Variants in YPEL1 observed in about 807,000 individuals in gnomAD.
YPEL1 encodes the protein protein yippee-like 1.
A neutral mutation model predicts 17.3 loss-of-function variants in YPEL1; 7 were observed. The ratio of observed to expected loss-of-function variants is 0.40; its 90% confidence interval spans 0.23 to 0.76. The LOEUF (loss-of-function observed/expected upper bound fraction) is 0.76, where lower values mean the gene tolerates loss of function less well. Ranked by LOEUF, YPEL1 falls within the 30% of genes least tolerant of loss-of-function variation. The pLI is 0.35. For missense variants in YPEL1, 91 were observed against 155.5 expected (o/e 0.59, Z 2.21); for synonymous variants, 59 against 59.6 (o/e 0.99, Z 0.05).
At chr22:21,707,345 A>C (rs1461451709) in intron 2 of YPEL1, among the ~76,000 whole-genome samples, 1 of 152,138 alleles carries the variant, frequency 6.6e-6, no homozygotes, top group African/African-American at 2.4e-5. Context: ...TGAACCCGGG[A>C]GACAGAGGTT....
intron 4 of YPEL1, 87 bp from the exon 5 acceptor site, chr22:21,701,305 T>C (rs2068063783): frequency 3.1e-6 from 3 of 979,332 alleles, no homozygotes; most frequent in Non-Finnish European, 4.7e-6. Context: ...CCCCCAAGTC[T>C]ATACTATGAA....
intron 1 of YPEL1, among the ~76,000 whole-genome samples, chr22:21,731,283 G>A (rs967042754): frequency 1.2e-4 from 18 of 151,700 alleles, no homozygotes; most frequent in Non-Finnish European, 2.6e-4. Context: ...GGAGGCTGAG[G>A]TGATCGCCAC....
chr22:21,700,813 C>A lies in YPEL1; in HGVS notation c.*316G>T. On this transcript the variant is annotated 3_prime_UTR_variant, in exon 5 of 5. Coordinates refer to ENST00000339468, the MANE Select transcript of YPEL1 (RefSeq NM_013313.5). ...CAACTGAACCTTAAAAAAGCAGAGC[C>A]CAACTATATTGAAGACAAAGGTGAA... 1 of 210,840 alleles carries A rather than the reference C, an allele frequency of 4.7e-6. No homozygotes were observed. The highest frequency in any genetic ancestry group is 1.2e-4 in the South Asian group (1 of 8,592). The allele number at this position is 210,840 out of a possible 1,614,324, so 13.1% of individuals were successfully genotyped here. A position where few individuals can be genotyped will look rare whatever the true frequency, so the allele number is the denominator to read the frequency against.
intron 1 of YPEL1, among the ~76,000 whole-genome samples, chr22:21,727,705 G>A (rs2068348444): frequency 6.6e-6 from 1 of 152,332 alleles, no homozygotes; most frequent in South Asian, 2.1e-4. Flanking sequence ...GACACTTCAT[G>A]GGATGGAGTG....
intron 1 of YPEL1, among the ~76,000 whole-genome samples, chr22:21,731,856 A>G (rs2068390405): frequency 1.3e-5 from 2 of 152,184 alleles, no homozygotes; most frequent in African/African-American, 4.8e-5. Context: ...TCAGAGTCAC[A>G]TGAGATGTTA....
At chr22:21,720,127 G>T (rs1489243220) in intron 1 of YPEL1, among the ~76,000 whole-genome samples, 1 of 134,402 alleles carries the variant, frequency 7.4e-6, no homozygotes, top group Non-Finnish European at 1.5e-5. Flanking sequence ...GCAGTGAACT[G>T]ACATAGCACC....
intron 1 of YPEL1, among the ~76,000 whole-genome samples, chr22:21,728,536 C>A (rs776387095): frequency 6.6e-6 from 1 of 152,094 alleles, no homozygotes; most frequent in Non-Finnish European, 1.5e-5. Context: ...ATGGGGAAAC[C>A]GAAGTCCAAA....
rs776656193 is a variant in YPEL1 at position 21,698,168 on chromosome 22, G to C, written c.*2961C>G. On this transcript the variant is annotated 3_prime_UTR_variant, in exon 5 of 5. Coordinates refer to ENST00000339468, the MANE Select transcript of YPEL1 (RefSeq NM_013313.5). ...GTGAATAGCACTTCCCCTGAAGCCA[G>C]CTCATGGTCTGTTCATTTGGTTTAA... 1 of 150,952 alleles carries C rather than the reference G, an allele frequency of 6.6e-6. No individual in the cohort carries two copies. Among genetic ancestry groups the C allele is most frequent in the Non-Finnish European group, 1.5e-5 (1 of 67,948 alleles). 9.4% of individuals were successfully genotyped at this position (150,952 alleles called of 1,614,324 possible).
At chr22:21,723,228 T>C (rs1001405031) in intron 1 of YPEL1, 1 of 152,168 alleles carries the variant, frequency 6.6e-6, no homozygotes, top group African/African-American at 2.4e-5. Flanking sequence ...AGAGTCTCAC[T>C]CTGTCATCCA....
At chr22:21,724,123 C>G (rs2068310108) in intron 1 of YPEL1, among the ~76,000 whole-genome samples, 2 of 152,232 alleles carry the variant, frequency 1.3e-5, no homozygotes, top group South Asian at 4.1e-4. Context: ...AGTCCCACTC[C>G]AGGGACAGCA....
intron 1 of YPEL1, among the ~76,000 whole-genome samples, chr22:21,723,869 G>T (rs2068307452): frequency 6.6e-6 from 1 of 151,782 alleles, no homozygotes; most frequent in South Asian, 2.1e-4. Flanking sequence ...GTTTCACCAT[G>T]TTGGCCAGGC....
intron 1 of YPEL1, among the ~76,000 whole-genome samples, chr22:21,726,408 C>T (rs1310732423): frequency 1.3e-5 from 2 of 152,206 alleles, no homozygotes; most frequent in Non-Finnish European, 2.9e-5. Context: ...TCACAACATC[C>T]TGAGAAATAG....
At chr22:21,712,241 G>A (rs944189603) in intron 1 of YPEL1, among the ~76,000 whole-genome samples, 1 of 151,782 alleles carries the variant, frequency 6.6e-6, no homozygotes, top group Non-Finnish European at 1.5e-5. Context: ...CAGAGAATGA[G>A]GGAAAATATT....
In YPEL1 at chr22:21,703,320, A is replaced by G. The variant is rs370070777; in HGVS notation, c.270+50T>C. 4 of 1,538,330 alleles carry G rather than the reference A, an allele frequency of 2.6e-6. No individual in the cohort carries two copies. The African/African-American group carries it at 5.4e-5, about 21-fold the overall frequency. ...CACGGGGAGGTGTGGCTCAGTGGCA[A>G]CTTAGTGCCACATCCCCTTGTGGCA... On this transcript the variant is annotated intron_variant, in intron 4 of 4. Coordinates refer to ENST00000339468, the MANE Select transcript of YPEL1 (RefSeq NM_013313.5). This position sits in a 1 kb window ranked among gnomAD's most constrained non-coding sequence, Gnocchi z 6.1.
In YPEL1 at chr22:21,703,725, G is replaced by T. The variant is rs1323124538; in HGVS notation, c.161+114C>A. ...GAAACTCCCGGCGGGGGGATGGTGG[G>T]TTCTTTCAGGACCCCTAAAGACCCA... On this transcript the variant is annotated intron_variant, in intron 3 of 4. Coordinates refer to ENST00000339468, the MANE Select transcript of YPEL1 (RefSeq NM_013313.5). The surrounding 1 kb of genome is among the most constrained non-coding windows in gnomAD (Gnocchi z 6.1). 4.9e-6 allele frequency: 6 copies of T among 1,218,526 alleles called. No homozygotes were observed. Among genetic ancestry groups the T allele is most frequent in the Non-Finnish European group, 6.9e-6 (6 of 871,338 alleles). 75.5% of individuals were successfully genotyped at this position (1,218,526 alleles called of 1,614,324 possible).
intron 1 of YPEL1, among the ~76,000 whole-genome samples, chr22:21,727,818 G>A (rs368979380): frequency 9.2e-5 from 14 of 152,116 alleles, no homozygotes; most frequent in African/African-American, 2.2e-4. Flanking sequence ...CAATCCCCAG[G>A]CTGCTCCACC....
At chr22:21,718,970 T>C (rs1334484078) in intron 1 of YPEL1, among the ~76,000 whole-genome samples, 1 of 152,242 alleles carries the variant, frequency 6.6e-6, no homozygotes, top group Non-Finnish European at 1.5e-5. Flanking sequence ...AAATTTTCTC[T>C]TGGGTTTCTT....
chr22:21,713,971 A>G (rs1020797632), intron 1 of YPEL1, among the ~76,000 whole-genome samples: 7 of 152,068 alleles, frequency 4.6e-5, no homozygotes, highest in African/African-American at 1.7e-4. Context: ...CAAATTCGAG[A>G]GCACGGGGCT....
chr22:21,714,943 T>A (rs926571398), intron 1 of YPEL1, among the ~76,000 whole-genome samples: 1 of 152,130 alleles, frequency 6.6e-6, no homozygotes, highest in Admixed American at 6.6e-5. Flanking sequence ...TAGGAGTAAG[T>A]GATATATTCT....
Sources: gnomAD v4.1 joint callset for allele counts (sites outside exome capture counted in the v4.1 genomes callset) on GRCh38, gnomAD v4.1.1 for gene constraint, Gnocchi (gnomAD v3.1) non-coding constraint, MANE v1.5 for transcripts, NCBI Gene and HGNC (gene_info 2026-07-23, HGNC 2026-07-21) for gene names.